Variants in USP40 observed in about 807,000 individuals in gnomAD.
USP40 encodes ubiquitin carboxyl-terminal hydrolase 40.
A neutral mutation model predicts 166.2 loss-of-function variants in USP40; 143 were observed. The observed-to-expected ratio is 0.86, with a 90% CI of 0.75 to 0.99. The LOEUF (loss-of-function observed/expected upper bound fraction) is 0.99. Ranked by LOEUF, USP40 falls within the 50% of genes least tolerant of loss-of-function variation. The probability of loss-of-function intolerance (pLI) is 0.00; values close to 1 mark genes in which losing one functional copy is unlikely to be tolerated. For synonymous variants in USP40, 498 were observed against 524.0 expected, an observed-to-expected ratio of 0.95 and a Z score of 0.68; for missense variants, 1,444 against 1,479.7, an observed-to-expected ratio of 0.98 and a Z score of 0.40.
intron 25 of USP40, 94 bp from the exon 26 acceptor site, chr2:233,491,355 T>C: frequency 2.1e-6 from 2 of 954,544 alleles, no homozygotes; most frequent in Non-Finnish European, 3.3e-6. Context: ...GTAAATAGGT[T>C]ATTAAAATTC....
At chr2:233,557,162 G>A in intron 4 of USP40, 143 bp from the exon 5 acceptor site, 1 of 715,428 alleles carries the variant, frequency 1.4e-6, no homozygotes. Context: ...AAAACAAGCT[G>A]AGCTGGTTAA....
intron 21 of USP40, among the ~76,000 whole-genome samples, chr2:233,508,795 C>CATTATATATGA (rs2066603760): frequency 6.6e-6 from 1 of 152,086 alleles, no homozygotes; most frequent in Non-Finnish European, 1.5e-5. Flanking sequence ...TTATGATTGC[C>CATTATATATGA]TAGCATCCAT....
chr2:233,557,734 G>T (rs2071226607), intron 4 of USP40, among the ~76,000 whole-genome samples: 1 of 152,172 alleles, frequency 6.6e-6, no homozygotes, highest in Non-Finnish European at 1.5e-5. Context: ...TGAGAACAGA[G>T]AAGTGTCTTC....
chr2:233,482,363 C>CAAA (rs879790967), intron 30 of USP40, among the ~76,000 whole-genome samples: 1 of 119,374 alleles, frequency 8.4e-6, no homozygotes, highest in Non-Finnish European at 1.8e-5. Context: ...GACTCTGTCT[C>CAAA]AAAAAAAAAA....
At chr2:233,516,452 C>T (rs1032118426) in intron 18 of USP40, among the ~76,000 whole-genome samples, 1 of 152,222 alleles carries the variant, frequency 6.6e-6, no homozygotes, top group Non-Finnish European at 1.5e-5. Context: ...AATCCCAGCA[C>T]TTTGGAAGGC....
Position 233,477,464 on chromosome 2 carries a change from G to C in USP40, c.3639C>G (p.Ser1213=), listed in dbSNP as rs775474829. 3.1e-6 allele frequency: 5 copies of C among 1,613,802 alleles called. No homozygotes were observed. Among genetic ancestry groups the C allele is most frequent in the Non-Finnish European group, 4.2e-6 (5 of 1,179,878 alleles). The change falls in exon 32 of 32, where the codon TCC becomes TCG. Residue 1213 remains serine (S), a synonymous_variant. Coordinates refer to ENST00000678225, the MANE Select transcript of USP40 (RefSeq NM_001365479.2). The stretch of plus-strand genomic sequence containing the variant: ...GGGGCCGGGCAGGCGTCTCTGCACT[G>C]GAGAGGATGTAGCTGCTCTGCTCAT... ...ALHEQSSYIL[S]SAETPARPRA...
chr2:233,523,053 T>C, intron 16 of USP40, 117 bp downstream of exon 16: 1 of 1,131,234 alleles, frequency 8.8e-7, no homozygotes, highest in Non-Finnish European at 1.2e-6. Context: ...GAACATAATG[T>C]CTAGAAATAA....
chr2:233,489,374 T>C lies in USP40; in HGVS notation c.3122A>G (p.Gln1041Arg), dbSNP rs368363244. 1.9e-6 allele frequency: 3 copies of C among 1,590,214 alleles called. No homozygotes were observed. The highest frequency in any genetic ancestry group is 3.5e-5 in the Admixed American group (2 of 56,836). Residue 1041 changes from glutamine to arginine, a missense_variant, in exon 27 of 32, where the codon CAG becomes CGG. Gln to Arg is a conservative substitution (Grantham distance 43, BLOSUM62 1). Coordinates refer to ENST00000678225, the MANE Select transcript of USP40 (RefSeq NM_001365479.2). ...CCAGCAAGGAACCTACCTGAGTGGC[T>C]GCCGGTCAGTTCGTAAAAGCCTGCC... ...RPGRLLRTDR[Q>R]PLREYKLGRR...
intron 3 of USP40, chr2:233,560,878 T>C (rs2071525339): frequency 5.0e-6 from 3 of 600,406 alleles, no homozygotes; most frequent in South Asian, 2.3e-5. Context: ...GAAGCTAATG[T>C]GGATGTTCTG....
intron 31 of USP40, among the ~76,000 whole-genome samples, chr2:233,479,628 C>CGT (rs72454809): frequency 0.078 from 11,318 of 145,354 alleles, 468 homozygotes; most frequent in East Asian, 0.14. Context: ...TAGAATTTTA[C>CGT]GTGTGTGTGT....
chr2:233,553,403 T>A (rs1361243987), intron 6 of USP40, among the ~76,000 whole-genome samples: 1 of 152,186 alleles, frequency 6.6e-6, no homozygotes, highest in Non-Finnish European at 1.5e-5. Context: ...TATTCAGATG[T>A]CCATCTCCCT....
chr2:233,482,736 G>A (rs111511791), intron 30 of USP40, among the ~76,000 whole-genome samples: 1 of 152,088 alleles, frequency 6.6e-6, no homozygotes, highest in Admixed American at 6.6e-5. Flanking sequence ...GTTTTGCCAT[G>A]TTGCCCTGGC....
chr2:233,551,434 T>C lies in USP40; in HGVS notation c.779A>G (p.Lys260Arg), dbSNP rs768271264. The C allele has an allele frequency of 2.5e-6, 4 of 1,613,070 alleles. No homozygotes were observed. The South Asian group carries it at 4.4e-5, about 18-fold the overall frequency. The change falls in exon 7 of 32, where the codon AAG becomes AGG. Residue 260 changes from lysine to arginine, a missense_variant. Coordinates refer to ENST00000678225, the MANE Select transcript of USP40 (RefSeq NM_001365479.2). ...NFDFVKCERY[K>R]ETSCYTFPLR... ...AGGGAATGTATAACAGCTAGTTTCC[T>C]TGTAGCGTTCGCATTTCACAAAATC...
At chr2:233,520,006 C>T (rs2067545123) in intron 17 of USP40, among the ~76,000 whole-genome samples, 2 of 152,046 alleles carry the variant, frequency 1.3e-5, no homozygotes, top group Admixed American at 1.3e-4. Flanking sequence ...CTCATGAAAG[C>T]AAACAAAATA....
At chr2:233,547,997 T>C (rs772856348) in intron 8 of USP40, among the ~76,000 whole-genome samples, 11 of 151,994 alleles carry the variant, frequency 7.2e-5, no homozygotes, top group Non-Finnish European at 1.3e-4. Context: ...AAATTGACAA[T>C]GTGGTATTTG....
chr2:233,536,247 T>C (rs1218107599), intron 10 of USP40, among the ~76,000 whole-genome samples: 2 of 152,008 alleles, frequency 1.3e-5, no homozygotes, highest in Non-Finnish European at 2.9e-5. Flanking sequence ...AGAAGGGGAA[T>C]TTCAGCAAAG....
chr2:233,523,209 C>T lies in USP40; in HGVS notation c.2162G>A (p.Gly721Glu), dbSNP rs776404472. 6.2e-7 allele frequency: 1 copy of T among 1,612,714 alleles called. No individual in the cohort carries two copies. The highest frequency in any genetic ancestry group is 8.5e-7 in the Non-Finnish European group (1 of 1,178,908). ...AGAATCCTGAATTAAAATTGAGCTTCCATTTCTGAGCCCTTGCTCCCTGAA... is the reference window on the plus strand; with the variant it reads ...AGAATCCTGAATTAAAATTGAGCTTTCATTTCTGAGCCCTTGCTCCCTGAA... The part of the protein sequence containing the change: ...KTFREQGLRN[G>E]SSILIQDSHD... The change falls in exon 16 of 32, where the codon GGA (glycine) becomes GAA (glutamate). Residue 721 changes from glycine to glutamate, a missense_variant. Physicochemically the swap from Gly to Glu is moderately conservative, Grantham distance 98. Transcript: ENST00000678225.
At chr2:233,508,886 T>A (rs1360894853) in intron 21 of USP40, among the ~76,000 whole-genome samples, 2 of 152,206 alleles carry the variant, frequency 1.3e-5, no homozygotes, top group African/African-American at 2.4e-5. Flanking sequence ...TCAATTAATT[T>A]TTATTATTTT....
At chr2:233,527,693 A>T in intron 12 of USP40, 115 bp from the exon 13 acceptor site, 1 of 972,714 alleles carries the variant, frequency 1.0e-6, no homozygotes, top group Non-Finnish European at 1.4e-6. Flanking sequence ...CCAAAGTAAC[A>T]ATTTTTCTTC....
Sources: gnomAD v4.1 joint callset for allele counts (sites outside exome capture counted in the v4.1 genomes callset) on GRCh38, gnomAD v4.1.1 for gene constraint, MANE v1.5 for transcripts, NCBI Gene and HGNC (gene_info 2026-07-23, HGNC 2026-07-21) for gene names.